The following DLGAP2 variants were observed in gnomAD, a reference collection of about 807,000 sequenced individuals.
DLGAP2 encodes the protein disks large-associated protein 2.
In DLGAP2, 26 loss-of-function variants were observed where a neutral mutation model predicts 100.3. The observed-to-expected ratio is 0.26, with a 90% CI of 0.19 to 0.36. The LOEUF (loss-of-function observed/expected upper bound fraction) is 0.36, where lower values mean the gene tolerates loss of function less well. DLGAP2 is among the 10% of genes least tolerant of loss of function. The pLI is 1.00. For missense variants in DLGAP2, 1,858 were observed against 1,453.2 expected, an observed-to-expected ratio of 1.28 and a Z score of -4.53; for synonymous variants, 886 against 630.1, an observed-to-expected ratio of 1.41 and a Z score of -6.08.
intron 8 of DLGAP2, among the ~76,000 whole-genome samples, chr8:1,649,499 C>T (rs1044846331): frequency 1.3e-5 from 2 of 152,156 alleles, no homozygotes; most frequent in Non-Finnish European, 2.9e-5. Flanking sequence ...AATCTTTGAA[C>T]CCTTTTTCAA....
chr8:1,488,432 G>T (rs1056114357), intron 3 of DLGAP2, among the ~76,000 whole-genome samples: 1 of 152,166 alleles, frequency 6.6e-6, no homozygotes, highest in African/African-American at 2.4e-5. Context: ...AAAGAGAATT[G>T]GGAATGGGCA....
intron 1 of DLGAP2, among the ~76,000 whole-genome samples, chr8:820,715 T>C (rs1001890551): frequency 1.3e-5 from 2 of 152,222 alleles, no homozygotes; most frequent in African/African-American, 4.8e-5. Flanking sequence ...TCAGTAATTC[T>C]GTCTAGAAAC....
chr8:1,263,402 AC>A (rs1799389903), intron 3 of DLGAP2, among the ~76,000 whole-genome samples: 1 of 152,172 alleles, frequency 6.6e-6, no homozygotes, highest in Non-Finnish European at 1.5e-5. Flanking sequence ...TTTTGGGAAG[AC>A]CTACAGAATC....
At chr8:1,540,080 C>G (rs969375986) in intron 4 of DLGAP2, among the ~76,000 whole-genome samples, 1 of 152,212 alleles carries the variant, frequency 6.6e-6, no homozygotes, top group African/African-American at 2.4e-5. Context: ...CCTGGCAGTG[C>G]CGCCACAGGC....
At chr8:1,322,502 C>A (rs1301475874) in intron 3 of DLGAP2, among the ~76,000 whole-genome samples, 1 of 152,044 alleles carries the variant, frequency 6.6e-6, no homozygotes, top group African/African-American at 2.4e-5. Flanking sequence ...TCTGTGACTT[C>A]ACACGTGTTG....
At chr8:1,503,536 C>T (rs1301258576) in intron 4 of DLGAP2, among the ~76,000 whole-genome samples, 9 of 152,100 alleles carry the variant, frequency 5.9e-5, no homozygotes, top group African/African-American at 1.5e-4. Flanking sequence ...GACCCCGGGT[C>T]GCTTCTCCTT....
intron 3 of DLGAP2, among the ~76,000 whole-genome samples, chr8:1,411,057 G>A (rs530988657): frequency 6.6e-5 from 10 of 152,260 alleles, no homozygotes; most frequent in Non-Finnish European, 1.2e-4. Flanking sequence ...GGTGACTAAA[G>A]TGTCACCGTG....
At chr8:1,625,343 A>G (rs1430709421) in intron 6 of DLGAP2, among the ~76,000 whole-genome samples, 2 of 152,252 alleles carry the variant, frequency 1.3e-5, no homozygotes, top group Non-Finnish European at 2.9e-5. Context: ...AAAGTGGTCC[A>G]GTTAGCCAGA....
chr8:1,169,781 G>A (rs1286072899), intron 2 of DLGAP2, among the ~76,000 whole-genome samples: 1 of 151,568 alleles, frequency 6.6e-6, no homozygotes, highest in Non-Finnish European at 1.5e-5. Context: ...GGAGATTTTG[G>A]GCTGAGACAG....
At chr8:818,689 A>T (rs1796531067) in intron 1 of DLGAP2, among the ~76,000 whole-genome samples, 1 of 152,220 alleles carries the variant, frequency 6.6e-6, no homozygotes, top group Non-Finnish European at 1.5e-5. Flanking sequence ...GAACATGTGC[A>T]AACTGTGCTG....
chr8:1,380,439 A>T (rs1796065028), intron 3 of DLGAP2: 1 of 152,200 alleles, frequency 6.6e-6, no homozygotes, highest in African/African-American at 2.4e-5. Flanking sequence ...GAGACTTTGG[A>T]AAAGCACAAA....
intron 2 of DLGAP2, among the ~76,000 whole-genome samples, chr8:1,133,741 A>G (rs1796344739): frequency 6.6e-6 from 1 of 152,244 alleles, no homozygotes; most frequent in South Asian, 2.1e-4. Flanking sequence ...GTAATCTAAA[A>G]CCAGACTTTG....
chr8:998,882 G>T (rs1800861989), intron 2 of DLGAP2, among the ~76,000 whole-genome samples: 1 of 152,134 alleles, frequency 6.6e-6, no homozygotes, highest in South Asian at 2.1e-4. Context: ...CCTGTCTCCA[G>T]TGCAGGGGCC....
intron 6 of DLGAP2, chr8:1,622,105 TAC>T (rs761766196): frequency 7.2e-5 from 11 of 152,258 alleles, no homozygotes; most frequent in African/African-American, 2.7e-4. Context: ...GGTGGAATAA[TAC>T]ACACATGTGC....
At chr8:1,264,910 T>C (rs1275720403) in intron 3 of DLGAP2, among the ~76,000 whole-genome samples, 1 of 152,150 alleles carries the variant, frequency 6.6e-6, no homozygotes, top group African/African-American at 2.4e-5. Context: ...TCATGAGATG[T>C]GATGGTTTCA....
chr8:756,315 G>T (rs774684876), intron 1 of DLGAP2, among the ~76,000 whole-genome samples: 5 of 152,142 alleles, frequency 3.3e-5, no homozygotes, highest in Non-Finnish European at 7.3e-5. Flanking sequence ...GTGTGGGCAG[G>T]TTGGGGCTGA....
chr8:1,423,800 C>T (rs921730811), intron 3 of DLGAP2, among the ~76,000 whole-genome samples: 11 of 152,210 alleles, frequency 7.2e-5, no homozygotes, highest in Non-Finnish European at 1.5e-4. Context: ...TTGCAAGCTT[C>T]TAGTTGTTAC....
chr8:1,524,857 AC>A (rs1407691686), intron 4 of DLGAP2, among the ~76,000 whole-genome samples: 2 of 151,724 alleles, frequency 1.3e-5, no homozygotes, highest in African/African-American at 4.8e-5. Flanking sequence ...TCATCTTCCC[AC>A]ATGATCCTGG....
chr8:1,036,660 C>G (rs907595615), intron 2 of DLGAP2, among the ~76,000 whole-genome samples: 3 of 152,154 alleles, frequency 2.0e-5, no homozygotes, highest in African/African-American at 7.2e-5. Flanking sequence ...GGCCTTGAAC[C>G]GTGCACCCTA....
Sources: allele counts gnomAD v4.1 joint callset (sites outside exome capture counted in the v4.1 genomes callset), GRCh38; gene constraint gnomAD v4.1.1; transcripts MANE v1.5; gene names NCBI Gene and HGNC (gene_info 2026-07-23, HGNC 2026-07-21).